The following PDE10A variants were observed in gnomAD, a reference collection of about 807,000 sequenced individuals.
The protein encoded by PDE10A is cAMP and cAMP-inhibited cGMP 3',5'-cyclic phosphodiesterase 10A.
PDE10A carries 39 observed loss-of-function variants against 97.7 expected under a neutral mutation model. That is an observed-to-expected ratio of 0.40 (90% CI 0.31 to 0.52). The LOEUF (loss-of-function observed/expected upper bound fraction) is 0.52. Among genes scored for constraint, PDE10A ranks in the 20% least tolerant of loss-of-function variants. The probability of loss-of-function intolerance (pLI) is 0.56; values close to 1 mark genes in which losing one functional copy is unlikely to be tolerated. For synonymous variants in PDE10A, 371 were observed against 376.8 expected (o/e 0.98, Z 0.18); for missense variants, 731 against 1,047.8 (o/e 0.70, Z 4.17).
intron 1 of PDE10A, among the ~76,000 whole-genome samples, chr6:165,625,673 G>T (rs1788348944): frequency 6.6e-6 from 1 of 152,134 alleles, no homozygotes; most frequent in Non-Finnish European, 1.5e-5. Flanking sequence ...AGTCTCACGA[G>T]ATCTTATGGT....
At chr6:165,976,446 C>A (rs149795989) in intron 1 of PDE10A, among the ~76,000 whole-genome samples, 1 of 152,230 alleles carries the variant, frequency 6.6e-6, no homozygotes, top group African/African-American at 2.4e-5. Flanking sequence ...AAAATGGCTT[C>A]AATATAGCTC....
At chr6:165,415,380 C>T (rs1035353348) in intron 12 of PDE10A, among the ~76,000 whole-genome samples, 6 of 152,108 alleles carry the variant, frequency 3.9e-5, no homozygotes, top group Admixed American at 1.3e-4. Flanking sequence ...AAGTAAACCA[C>T]GAGTTGGAAT....
At chr6:165,450,480 T>C (rs1791212033) in intron 3 of PDE10A, 118 bp from the exon 4 acceptor site, 4 of 429,016 alleles carry the variant, frequency 9.3e-6, no homozygotes, top group Non-Finnish European at 8.2e-6. Context: ...TTATTCATTA[T>C]GCTTTTATAG....
At chr6:165,345,782 T>C (rs1223103526) in intron 18 of PDE10A, among the ~76,000 whole-genome samples, 3 of 152,218 alleles carry the variant, frequency 2.0e-5, no homozygotes, top group Non-Finnish European at 4.4e-5. Flanking sequence ...AAGAACCAAA[T>C]AGACCCTTTT....
At chr6:165,541,326 G>C (rs753525887) in intron 2 of PDE10A, among the ~76,000 whole-genome samples, 3 of 151,778 alleles carry the variant, frequency 2.0e-5, no homozygotes, top group Admixed American at 1.3e-4. Context: ...AAAAAAAAAA[G>C]TTAAGTGAGG....
At chr6:165,435,870 G>A (rs889382837) in intron 5 of PDE10A, among the ~76,000 whole-genome samples, 3 of 152,034 alleles carry the variant, frequency 2.0e-5, no homozygotes, top group Admixed American at 6.6e-5. Flanking sequence ...TACTTCGACT[G>A]GCTAGTTTAT....
chr6:165,366,209 C>T (rs1162627806), intron 18 of PDE10A, among the ~76,000 whole-genome samples: 1 of 152,142 alleles, frequency 6.6e-6, no homozygotes, highest in Non-Finnish European at 1.5e-5. Context: ...AAGTCATGCA[C>T]ATATTAGAAT....
At chr6:165,743,627 C>T (rs1331791343) in intron 1 of PDE10A, among the ~76,000 whole-genome samples, 2 of 152,192 alleles carry the variant, frequency 1.3e-5, no homozygotes, top group African/African-American at 2.4e-5. Flanking sequence ...AAGACATACA[C>T]ACAGCAGACC....
chr6:165,507,040 A>G (rs1339735129), intron 2 of PDE10A, among the ~76,000 whole-genome samples: 1 of 152,128 alleles, frequency 6.6e-6, no homozygotes. Flanking sequence ...GTGATCCTGG[A>G]AAGAGTGTGG....
intron 2 of PDE10A, among the ~76,000 whole-genome samples, chr6:165,485,498 G>T (rs1389061659): frequency 6.7e-6 from 1 of 148,250 alleles, no homozygotes; most frequent in East Asian, 2.0e-4. Context: ...ACAAGTCTTT[G>T]GAGTTTTCAA....
At chr6:165,693,250 G>T (rs1249406594) in intron 1 of PDE10A, among the ~76,000 whole-genome samples, 1 of 152,112 alleles carries the variant, frequency 6.6e-6, no homozygotes, top group East Asian at 1.9e-4. Flanking sequence ...GTGCACTGAG[G>T]CCGGGCACGG....
intron 18 of PDE10A, among the ~76,000 whole-genome samples, chr6:165,375,729 G>A (rs1784567880): frequency 6.6e-6 from 1 of 152,104 alleles, no homozygotes; most frequent in Non-Finnish European, 1.5e-5. Context: ...CTCCTGTCAG[G>A]GGCTAATGTA....
intron 1 of PDE10A, among the ~76,000 whole-genome samples, chr6:165,856,662 T>G (rs575170837): frequency 9.8e-5 from 15 of 152,358 alleles, no homozygotes; most frequent in African/African-American, 2.9e-4. Flanking sequence ...TAGTTAAATA[T>G]TCAAGAAGTC....
At position 165,979,768 on chromosome 6, in the gene PDE10A, C is replaced by A. The variant is rs891542053; in HGVS notation, c.-615+7761G>T. ...TTCTGACTGACAAATTGAGGAATCT[C>A]GAAATATATAAAATGTGCGAAAGTC... is the stretch of plus-strand genomic sequence containing the variant. On this transcript the variant is annotated intron_variant, in intron 1 of 19. Coordinates refer to the PDE10A transcript ENST00000366882. 2.6e-5 allele frequency among the ~76,000 whole-genome samples: 4 copies of A among 152,120 alleles called. No homozygotes were observed. The East Asian group carries it at 7.7e-4, about 29-fold the overall frequency.
intron 1 of PDE10A, among the ~76,000 whole-genome samples, chr6:165,686,795 G>C (rs1791133806): frequency 1.3e-5 from 2 of 152,292 alleles, no homozygotes; most frequent in African/African-American, 4.8e-5. Context: ...CGGTCCTTAC[G>C]GGCATGAGCG....
At chr6:165,374,510 T>C (rs1467263970) in intron 18 of PDE10A, among the ~76,000 whole-genome samples, 1 of 151,962 alleles carries the variant, frequency 6.6e-6, no homozygotes, top group African/African-American at 2.4e-5. Context: ...AATTTATGAA[T>C]AAATACACAG....
chr6:165,454,398 TA>T, intron 3 of PDE10A, among the ~76,000 whole-genome samples: 1 of 152,194 alleles, frequency 6.6e-6, no homozygotes, highest in East Asian at 1.9e-4. Context: ...GGTTTAAATG[TA>T]CCTCCCAAAG....
chr6:165,955,583 C>T (rs1242770633), intron 1 of PDE10A, among the ~76,000 whole-genome samples: 1 of 152,140 alleles, frequency 6.6e-6, no homozygotes, highest in Non-Finnish European at 1.5e-5. Flanking sequence ...CATTTCAATT[C>T]AGGAAATTCA....
Position 165,526,698 on chromosome 6 carries a change from C to T in PDE10A, c.994+16742G>A, listed in dbSNP as rs185615822. On this transcript the variant is annotated intron_variant, in intron 2 of 21. Coordinates refer to ENST00000539869, the MANE Select transcript of PDE10A (RefSeq NM_001385079.1). ...CAAGTGGTGAGTCCAATTGCAGCTG[C>T]TGTACCAGATGTGGTTTCACTGCTT... Among the ~76,000 whole-genome samples, 785 of 152,294 alleles carry T rather than the reference C, an allele frequency of 5.2e-3. 5 individuals carry two copies. Among genetic ancestry groups the T allele is most frequent in the Non-Finnish European group, 4.9e-3 (332 of 68,032 alleles).
Sources: gnomAD v4.1 joint callset for allele counts (sites outside exome capture counted in the v4.1 genomes callset) on GRCh38, gnomAD v4.1.1 for gene constraint, MANE v1.5 for transcripts, NCBI Gene and HGNC (gene_info 2026-07-23, HGNC 2026-07-21) for gene names.